USP40: variants seen among roughly 807,000 people sequenced by gnomAD.
USP40 encodes ubiquitin specific peptidase 40, also known as ubiquitin carboxyl-terminal hydrolase 40.
USP40 carries 143 observed loss-of-function variants against 166.2 expected under a neutral mutation model. That is an observed-to-expected ratio of 0.86 (90% confidence interval 0.75 to 0.99). The LOEUF (loss-of-function observed/expected upper bound fraction) is 0.99, where lower values mean the gene tolerates loss of function less well. Ranked by LOEUF, USP40 falls within the 50% of genes least tolerant of loss-of-function variation. The pLI is 0.00. For synonymous variants in USP40, 498 were observed against 524.0 expected, an observed-to-expected ratio of 0.95 and a Z score of 0.68; for missense variants, 1,444 against 1,479.7, an observed-to-expected ratio of 0.98 and a Z score of 0.40.
At chr2:233,552,661 CTCTT>C (rs1459386893) in intron 6 of USP40, among the ~76,000 whole-genome samples, 1 of 152,138 alleles carries the variant, frequency 6.6e-6, no homozygotes, top group Non-Finnish European at 1.5e-5. Flanking sequence ...ATAAACCTCT[CTCTT>C]TGGGTTTGAT....
intron 30 of USP40, among the ~76,000 whole-genome samples, chr2:233,483,097 C>T (rs1203349216): frequency 6.6e-6 from 1 of 152,202 alleles, no homozygotes; most frequent in East Asian, 1.9e-4. Flanking sequence ...TGTGACTTCC[C>T]TTTTCACTGT....
intron 11 of USP40, among the ~76,000 whole-genome samples, chr2:233,531,933 A>G (rs1300987560): frequency 6.6e-6 from 1 of 152,210 alleles, no homozygotes; most frequent in Non-Finnish European, 1.5e-5. Context: ...AGGGAACCTA[A>G]GGCTGTTTCA....
At chr2:233,496,300 T>C (rs896333614) in intron 24 of USP40, among the ~76,000 whole-genome samples, 1 of 152,232 alleles carries the variant, frequency 6.6e-6, no homozygotes, top group Non-Finnish European at 1.5e-5. Flanking sequence ...ATGAGCCCTC[T>C]CATATGCTAC....
intron 31 of USP40, among the ~76,000 whole-genome samples, chr2:233,477,798 G>T (rs75479404): frequency 0.055 from 8,360 of 152,300 alleles, 621 homozygotes; most frequent in African/African-American, 0.17. Flanking sequence ...CTTCCTTTCC[G>T]TACTTTTTAA....
At chr2:233,518,950 T>A (rs1331839793) in intron 18 of USP40, among the ~76,000 whole-genome samples, 2 of 152,234 alleles carry the variant, frequency 1.3e-5, no homozygotes, top group African/African-American at 4.8e-5. Context: ...AACAAGCTAT[T>A]GATACGTACT....
intron 8 of USP40, 140 bp downstream of exon 8, chr2:233,548,961 T>C: frequency 1.4e-6 from 1 of 722,068 alleles, no homozygotes; most frequent in Non-Finnish European, 2.1e-6. Context: ...TTAAAACTTG[T>C]ATCTGTATTA....
At chr2:233,552,236 A>C (rs73996124) in intron 6 of USP40, among the ~76,000 whole-genome samples, 4,578 of 151,512 alleles carry the variant, frequency 0.03, 214 homozygotes, top group African/African-American at 0.11. Flanking sequence ...AAAAAAAAAA[A>C]CAAAAAACCC....
rs1278376878 is a variant in USP40 at position 233,475,844 on chromosome 2, C to T, written c.*1548G>A. On this transcript the variant is annotated 3_prime_UTR_variant, in exon 32 of 32. Transcript: ENST00000678225. ...GTCAGTTAAAGCCACAGAAACAGAA[C>T]AGCTTAAGAAGGGCTGGGCGCCCAG... The T allele has an allele frequency of 2.0e-5, 3 of 152,418 alleles. No homozygotes were observed. The highest frequency in any genetic ancestry group is 2.4e-5 in the African/African-American group (1 of 41,468). The allele number at this position is 152,418 out of a possible 1,614,324, so 9.4% of individuals were successfully genotyped here.
At chr2:233,536,168 T>C (rs2068920282) in intron 10 of USP40, among the ~76,000 whole-genome samples, 1 of 152,104 alleles carries the variant, frequency 6.6e-6, no homozygotes, top group Non-Finnish European at 1.5e-5. Flanking sequence ...ATCTAGCTAC[T>C]ATAATAGCAA....
intron 16 of USP40, among the ~76,000 whole-genome samples, chr2:233,522,513 T>C (rs2067727416): frequency 6.6e-6 from 1 of 152,146 alleles, no homozygotes; most frequent in Admixed American, 6.5e-5. Flanking sequence ...TCTAAGTAAA[T>C]CTGTAGCACT....
Position 233,542,244 on chromosome 2 carries a change from AATAC to A in USP40, c.1062+20_1062+23del, listed in dbSNP as rs779610850. 7.2e-6 allele frequency: 10 copies of A among 1,380,502 alleles called. No homozygotes were observed. The highest frequency in any genetic ancestry group is 5.7e-5 in the African/African-American group (4 of 69,830). The allele number at this position is 1,380,502 out of a possible 1,614,324, so 85.5% of individuals were successfully genotyped here. The stretch of plus-strand genomic sequence containing the variant: ...ACACACAATACATACCATACATACA[AATAC>A]ATACACACACATACTATACCTCTAA... On this transcript the variant is annotated intron_variant, in intron 9 of 31. Transcript: ENST00000678225.
chr2:233,516,160 C>T (rs535062904), intron 18 of USP40, among the ~76,000 whole-genome samples: 15 of 151,946 alleles, frequency 9.9e-5, no homozygotes, highest in Non-Finnish European at 2.2e-4. Flanking sequence ...GTTTGCTGAC[C>T]TCCTCTCTAT....
At position 233,519,654 on chromosome 2, in the gene USP40, T is replaced by C; in HGVS notation, c.2343A>G (p.Arg781=). 1 of 1,426,322 alleles carries C rather than the reference T, an allele frequency of 7.0e-7. No homozygotes were observed. Among genetic ancestry groups the C allele is most frequent in the South Asian group, 1.3e-5 (1 of 79,582 alleles). 88.4% of individuals were successfully genotyped at this position (1,426,322 alleles called of 1,614,324 possible). The change falls in exon 18 of 32, where the codon CGA becomes CGG. Residue 781 remains arginine (R), a synonymous_variant. Transcript: ENST00000678225. ...ATTTTAATTCCTTTATGGCTTTAAT[T>C]CGAATATCAAACACCATCTAAAACA... The part of the protein sequence containing the change: ...ATVNTMVFDI[R]IKAIKELKLM...
intron 3 of USP40, among the ~76,000 whole-genome samples, chr2:233,561,749 A>G (rs972637518): frequency 2.0e-5 from 3 of 148,330 alleles, no homozygotes; most frequent in South Asian, 4.2e-4. Context: ...GCTTCTGCAC[A>G]GCAAAAGAAA....
Position 233,562,721 on chromosome 2 carries a change from T to C in USP40, c.267+15A>G, listed in dbSNP as rs542182905. ...CCTAAAACTTAAAGTATAATAATAA[T>C]AATAATAAAAATACCTTTGCATCGG... On this transcript the variant is annotated intron_variant, in intron 3 of 31. Coordinates refer to ENST00000678225, the MANE Select transcript of USP40 (RefSeq NM_001365479.2). 22 of 1,483,822 alleles carry C rather than the reference T, an allele frequency of 1.5e-5. No individual in the cohort carries two copies. In the East Asian group the frequency reaches 5.4e-4, roughly 37 times the overall value. The allele number at this position is 1,483,822 out of a possible 1,614,324, so 91.9% of individuals were successfully genotyped here. A position where few individuals can be genotyped will look rare whatever the true frequency, so the allele number is the denominator to read the frequency against.
Position 233,533,777 on chromosome 2 carries a change from G to T in USP40, c.1173C>A (p.Phe391Leu). The part of the protein sequence containing the change: ...YRKQHGPLRK[F>L]LQLHSQIFLL... ...GAAATATCTGAGAATGGAGCTGTAA[G>T]AACTACACAGAAACAAAAAAAAAAA... is the stretch of plus-strand genomic sequence containing the variant. The change falls in exon 11 of 32, where the codon TTC becomes TTA. Residue 391 changes from phenylalanine (F) to leucine (L), a missense_variant and splice_region_variant. Phe to Leu is a conservative substitution (Grantham distance 22, BLOSUM62 0). Transcript: ENST00000678225. The T allele has an allele frequency of 6.6e-7, 1 of 1,516,596 alleles. No individual in the cohort carries two copies. The highest frequency in any genetic ancestry group is 1.2e-5 in the South Asian group (1 of 80,686). The allele number at this position is 1,516,596 out of a possible 1,614,324, so 93.9% of individuals were successfully genotyped here.
At chr2:233,531,856 G>T (rs973892153) in intron 11 of USP40, among the ~76,000 whole-genome samples, 1 of 152,152 alleles carries the variant, frequency 6.6e-6, no homozygotes, top group Non-Finnish European at 1.5e-5. Context: ...TTTGAGAAGT[G>T]ATCGAAAAAT....
In USP40 at chr2:233,476,165, G is replaced by T; in HGVS notation, c.*1227C>A. The T allele has an allele frequency of 6.6e-6, 1 of 152,560 alleles. No homozygotes were observed. Among genetic ancestry groups the T allele is most frequent in the Non-Finnish European group, 1.5e-5 (1 of 68,088 alleles). 9.5% of individuals were successfully genotyped at this position (152,560 alleles called of 1,614,324 possible). ...CAGGCCGCTGGCTCAGCATCAGCTTGTTGGAAAAGGGTCACAGGCAGGGGA... is the reference window on the plus strand; with the variant it reads ...CAGGCCGCTGGCTCAGCATCAGCTTTTTGGAAAAGGGTCACAGGCAGGGGA... On this transcript the variant is annotated 3_prime_UTR_variant, in exon 32 of 32. Transcript: ENST00000678225.
Position 233,485,516 on chromosome 2 carries a change from T to C in USP40, c.3504+15A>G, listed in dbSNP as rs1168227162. The C allele has an allele frequency of 1.2e-6, 2 of 1,605,014 alleles. No homozygotes were observed. ...TGTCTTCTCAAAGTGGTAAATTTGCTGTTAAACAACTTACCTTAACACCAA... is the reference window on the plus strand; with the variant it reads ...TGTCTTCTCAAAGTGGTAAATTTGCCGTTAAACAACTTACCTTAACACCAA... On this transcript the variant is annotated intron_variant, in intron 30 of 31. Transcript: ENST00000678225.
Sources: gnomAD v4.1 joint callset for allele counts (sites outside exome capture counted in the v4.1 genomes callset) on GRCh38, gnomAD v4.1.1 for gene constraint, MANE v1.5 for transcripts, NCBI Gene and HGNC (gene_info 2026-07-23, HGNC 2026-07-21) for gene names.